Variants in TRPM2 observed in about 807,000 individuals in gnomAD.
TRPM2 encodes the protein estrogen-responsive element-associated gene 1 protein.
Under a neutral mutation model 174.0 loss-of-function variants are expected in TRPM2, and 161 were observed. The observed-to-expected ratio is 0.93, with a 90% CI of 0.81 to 1.05. The LOEUF is 1.05. Among genes scored for constraint, TRPM2 ranks in the 50% least tolerant of loss-of-function variants. TRPM2 has a pLI of 0.00. For missense variants in TRPM2, 2,057 were observed against 2,038.0 expected (o/e 1.01, Z -0.18); for synonymous variants, 954 against 861.3 (o/e 1.11, Z -1.88).
upstream of TRPM2, among the ~76,000 whole-genome samples, chr21:44,351,930 T>G (rs1242864266): frequency 6.6e-6 from 1 of 152,162 alleles, no homozygotes; most frequent in Non-Finnish European, 1.5e-5. Flanking sequence ...GAACAGAACA[T>G]GCTGGTCTTA....
intron 22 of TRPM2, among the ~76,000 whole-genome samples, chr21:44,420,221 G>A (rs2050500645): frequency 6.6e-6 from 1 of 152,054 alleles, no homozygotes; most frequent in Non-Finnish European, 1.5e-5. Context: ...CTCTATTCAA[G>A]CCTCACTTCA....
Position 44,418,056 on chromosome 21 carries a change from C to T in TRPM2, c.3276C>T (p.Leu1092=), listed in dbSNP as rs1228501061. The T allele has an allele frequency of 1.2e-6, 2 of 1,613,222 alleles. No individual in the cohort carries two copies. The highest frequency in any genetic ancestry group is 2.2e-5 in the East Asian group (1 of 44,880). ...PPFILLSHLQ[L]FIKRVVLKTP... is the part of the protein sequence containing the mutation. ...TCATCCTCCTCAGCCACCTGCAGCTCTTCATCAAGAGGGTGGTCCTGAAGA... is the reference window on the plus strand; with the variant it reads ...TCATCCTCCTCAGCCACCTGCAGCTTTTCATCAAGAGGGTGGTCCTGAAGA... The change falls in exon 21 of 32, where the codon CTC becomes CTT. Residue 1092 remains leucine, a synonymous_variant. Transcript: ENST00000397928.
chr21:44,366,826 G>A lies in TRPM2; in HGVS notation c.496G>A (p.Val166Ile), dbSNP rs45544142. The change falls in exon 4 of 32, where the codon GTC (valine) becomes ATC (isoleucine). Residue 166 changes from valine (V) to isoleucine (I), a missense_variant. Coordinates refer to ENST00000397928, the MANE Select transcript of TRPM2 (RefSeq NM_003307.4). The surrounding 1 kb of genome is among the most constrained non-coding windows in gnomAD (Gnocchi z 6.0). ...CATGACCCAGCACTGGGGGCTGGAC[G>A]TCCCCAATCTCTTGATCTCGGTGAC... ...HLMTQHWGLD[V>I]PNLLISVTGG... 9,340 of 1,613,640 alleles carry A rather than the reference G, an allele frequency of 5.8e-3. 463 individuals are homozygous for A. In the African/African-American group the frequency reaches 0.11, roughly 19 times the overall value.
intron 22 of TRPM2, 24 bp downstream of exon 22, chr21:44,418,579 G>T: frequency 6.2e-7 from 1 of 1,613,172 alleles, no homozygotes; most frequent in African/African-American, 1.3e-5. Context: ...GGTGGGCCTG[G>T]GGGCGGGAAG....
rs777411338 is a variant in TRPM2 at position 44,391,481 on chromosome 21, G to A, written c.1650G>A (p.Ala550=). The change falls in exon 11 of 32, where the codon GCG becomes GCA. Residue 550 remains alanine (A), a synonymous_variant. Transcript: ENST00000397928. The surrounding 1 kb of genome is among the most constrained non-coding windows in gnomAD (Gnocchi z 5.0). ...LVEDPERPAC[A]PAAPRLQMHH... is the part of the protein sequence containing the mutation. ...AGGATCCCGAGCGCCCGGCTTGCGC[G>A]CCCGCGGCGCCCCGCCTGCAGATGC... The A allele has an allele frequency of 1.3e-5, 20 of 1,598,626 alleles. No individual in the cohort carries two copies. The highest frequency in any genetic ancestry group is 5.4e-5 in the African/African-American group (4 of 74,586).
rs947814962 is a variant in TRPM2 at position 44,399,908 on chromosome 21, A to G, written c.2209-351A>G. On this transcript the variant is annotated intron_variant, in intron 14 of 31. Transcript: ENST00000397928. This position sits in a 1 kb window ranked among gnomAD's most constrained non-coding sequence, Gnocchi z 4.6. ...CTGGGCTTCCTTGGAGCGCCGAGCT[A>G]TTGCCAAGTCCATGAGCTCCCGTCA... is the stretch of plus-strand genomic sequence containing the variant. Among the ~76,000 whole-genome samples, 2 of 152,064 alleles carry G rather than the reference A, an allele frequency of 1.3e-5. No homozygotes were observed. The highest frequency in any genetic ancestry group is 6.5e-5 in the Admixed American group (1 of 15,278).
chr21:44,423,188 A>G (rs528319071), intron 22 of TRPM2, among the ~76,000 whole-genome samples: 4 of 141,712 alleles, frequency 2.8e-5, no homozygotes, highest in African/African-American at 7.9e-5. Context: ...ACAAAATACG[A>G]CAGACACCAA....
chr21:44,405,228 A>G lies in TRPM2; in HGVS notation c.2625A>G (p.Ala875=). Residue 875 remains alanine (A), a synonymous_variant, in exon 17 of 32, where the codon GCA becomes GCG. Transcript: ENST00000397928. Reference sequence around the variant, plus strand: ...TCTGGAATAAGCTGGACGTCGGCGCAATCTTGCTCTTCGTGGCAGGGCTGA... The same window carrying G: ...TCTGGAATAAGCTGGACGTCGGCGCGATCTTGCTCTTCGTGGCAGGGCTGA... The part of the protein sequence containing the change: ...SDFWNKLDVG[A]ILLFVAGLTC... 1 of 1,613,356 alleles carries G rather than the reference A, an allele frequency of 6.2e-7. No homozygotes were observed.
intron 9 of TRPM2, among the ~76,000 whole-genome samples, chr21:44,388,577 G>A (rs1033271773): frequency 2.0e-5 from 3 of 149,068 alleles, no homozygotes; most frequent in African/African-American, 7.4e-5. Flanking sequence ...GCCTATAATC[G>A]CAGCACTTTG....
In TRPM2 at chr21:44,354,801, G is replaced by T; in HGVS notation, c.254+65G>T. Reference sequence around the variant, plus strand: ...CCTTCCGATCCCACATGGAGTAGCTGATCAGGCCAAGACCCCTCAGGGCCT... The same window carrying T: ...CCTTCCGATCCCACATGGAGTAGCTTATCAGGCCAAGACCCCTCAGGGCCT... On this transcript the variant is annotated intron_variant, in intron 2 of 31. Transcript: ENST00000397928. The surrounding 1 kb of genome is among the most constrained non-coding windows in gnomAD (Gnocchi z 4.3). 2 of 1,495,982 alleles carry T rather than the reference G, an allele frequency of 1.3e-6. No individual in the cohort carries two copies. Among genetic ancestry groups the T allele is most frequent in the South Asian group, 2.3e-5 (2 of 88,658 alleles). The allele number at this position is 1,495,982 out of a possible 1,614,324, so 92.7% of individuals were successfully genotyped here. A position where few individuals can be genotyped will look rare whatever the true frequency, so the allele number is the denominator to read the frequency against.
At chr21:44,388,746 A>C (rs546799215) in intron 9 of TRPM2, among the ~76,000 whole-genome samples, 1 of 151,952 alleles carries the variant, frequency 6.6e-6, no homozygotes, top group East Asian at 1.9e-4. Flanking sequence ...GCTTGAGCCC[A>C]GGACGTTGAG....
intron 16 of TRPM2, 149 bp downstream of exon 16, chr21:44,402,046 G>T (rs1284806704): frequency 1.1e-6 from 1 of 893,382 alleles, no homozygotes; most frequent in Non-Finnish European, 1.7e-6. Flanking sequence ...CCCCAAAATG[G>T]GTGGCTGGGG....
At chr21:44,429,621 T>C (rs1463025850) in intron 27 of TRPM2, among the ~76,000 whole-genome samples, 1 of 152,160 alleles carries the variant, frequency 6.6e-6, no homozygotes, top group African/African-American at 2.4e-5. Flanking sequence ...TTTTTAAAAA[T>C]ATATATAGGG....
rs2050796590 is a variant in TRPM2, at chr21:44,426,732, G to A, written c.3868G>A (p.Gly1290Arg). 1 of 1,614,038 alleles carries A rather than the reference G, an allele frequency of 6.2e-7. No homozygotes were observed. The highest frequency in any genetic ancestry group is 8.5e-7 in the Non-Finnish European group (1 of 1,180,000). ...GGACGCGGCCGCCATGGACCCCATG[G>A]GAGAGTGAGTATGAGCCGCTGTCCG... ...RKDAAAMDPMGDTLEPLSTIQ... is the reference protein window; with the variant it reads ...RKDAAAMDPMRDTLEPLSTIQ... Residue 1290 changes from glycine to arginine, a missense_variant, in exon 26 of 32, where the codon GGA becomes AGA. Physicochemically the swap from Gly to Arg is moderately radical, Grantham distance 125. Coordinates refer to ENST00000397928, the MANE Select transcript of TRPM2 (RefSeq NM_003307.4).
chr21:44,381,477 A>AATAG (rs1440722764), intron 8 of TRPM2, among the ~76,000 whole-genome samples: 3 of 85,198 alleles, frequency 3.5e-5, no homozygotes, highest in Non-Finnish European at 6.4e-5. Context: ...TGGATGGATG[A>AATAG]ATAGATGGAT....
At chr21:44,433,477 C>CGCTCAG (rs2051107999) in intron 27 of TRPM2, among the ~76,000 whole-genome samples, 1 of 152,234 alleles carries the variant, frequency 6.6e-6, no homozygotes, top group African/African-American at 2.4e-5. Flanking sequence ...GGGTTCTGCC[C>CGCTCAG]GCTCAGTGGC....
intron 1 of TRPM2, 88 bp downstream of exon 1, chr21:44,353,953 G>A: frequency 6.8e-7 from 1 of 1,469,892 alleles, no homozygotes; most frequent in Non-Finnish European, 9.0e-7. Flanking sequence ...GTGACGACGG[G>A]GGTGGGAAAG....
At position 44,401,672 on chromosome 21, in the gene TRPM2, C is replaced by T. The variant is rs45481091; in HGVS notation, c.2322-9C>T. ...GGTCACTGTCTCCTCTCTGCTGTGA[C>T]GGCCGCAGGGAGAAGAGGCTGCAGG... On this transcript the variant is annotated splice_polypyrimidine_tract_variant and intron_variant, in intron 15 of 31. Transcript: ENST00000397928. 2.3e-4 allele frequency: 367 copies of T among 1,611,320 alleles called. 1 individual carries two copies. The African/African-American group carries it at 3.9e-3, about 17-fold the overall frequency.
chr21:44,367,897 T>C lies in TRPM2; in HGVS notation c.604+963T>C, dbSNP rs1484047675. On this transcript the variant is annotated intron_variant, in intron 4 of 31. Transcript: ENST00000397928. This position sits in a 1 kb window ranked among gnomAD's most constrained non-coding sequence, Gnocchi z 4.6. ...CAGACCTTTTCTCAGCCTGGTCACA[T>C]GGGACTGGGTTTAACGCAGGTCACC... is the stretch of plus-strand genomic sequence containing the variant. Among the ~76,000 whole-genome samples, 6 of 152,336 alleles carry C rather than the reference T, an allele frequency of 3.9e-5. No homozygotes were observed. In the East Asian group the frequency reaches 7.7e-4, roughly 20 times the overall value.
Sources: allele counts gnomAD v4.1 joint callset (sites outside exome capture counted in the v4.1 genomes callset), GRCh38; gene constraint gnomAD v4.1.1; non-coding constraint Gnocchi (gnomAD v3.1); transcripts MANE v1.5; gene names NCBI Gene and HGNC (gene_info 2026-07-23, HGNC 2026-07-21).